Variants in PTPA observed in about 807,000 individuals in gnomAD.
The protein encoded by PTPA is serine/threonine-protein phosphatase 2A activator.
A neutral mutation model predicts 43.6 loss-of-function variants in PTPA; 13 were observed. The ratio of observed to expected loss-of-function variants is 0.30; its 90% confidence interval spans 0.19 to 0.47. The LOEUF is 0.47. Ranked by LOEUF, PTPA falls within the 20% of genes least tolerant of loss-of-function variation. The pLI, the probability that PTPA is intolerant of heterozygous loss-of-function variation, is 0.99. For synonymous variants in PTPA, 172 were observed against 158.2 expected (o/e 1.09, Z -0.66); for missense variants, 329 against 411.9 (o/e 0.80, Z 1.74).
At chr9:129,142,167 GGT>G in intron 8 of PTPA, 1 of 356,128 alleles carries the variant, frequency 2.8e-6, no homozygotes, top group East Asian at 4.3e-5. Flanking sequence ...GAGAAAGAGG[GGT>G]GACTGCGGGT....
chr9:129,112,892 G>A (rs771075703), intron 1 of PTPA, among the ~76,000 whole-genome samples: 4 of 151,788 alleles, frequency 2.6e-5, no homozygotes, highest in Non-Finnish European at 5.9e-5. Context: ...GGTGAGCTGA[G>A]ATCGCGGCAT....
At chr9:129,134,408 G>T (rs141493498) in intron 5 of PTPA, among the ~76,000 whole-genome samples, 3 of 144,840 alleles carry the variant, frequency 2.1e-5, no homozygotes, top group Non-Finnish European at 4.5e-5. Context: ...GGGCTCAGGA[G>T]ATCCTCCATC....
intron 4 of PTPA, among the ~76,000 whole-genome samples, chr9:129,130,352 AG>A (rs946423994): frequency 6.6e-6 from 1 of 151,786 alleles, no homozygotes; most frequent in African/African-American, 2.4e-5. Flanking sequence ...GACCCAGTGA[AG>A]TGCTGTTCCC....
intron 5 of PTPA, 48 bp downstream of exon 5, chr9:129,131,687 C>G: frequency 6.4e-7 from 1 of 1,566,804 alleles, no homozygotes; most frequent in South Asian, 1.1e-5. Flanking sequence ...TCACTGCTTT[C>G]TGTTTTGGGC....
chr9:129,123,805 T>G (rs565828223), intron 3 of PTPA, among the ~76,000 whole-genome samples: 11 of 152,180 alleles, frequency 7.2e-5, no homozygotes, highest in African/African-American at 2.4e-4. Flanking sequence ...TGCCTCAGCC[T>G]CCTGAGTAGC....
chr9:129,145,035 AG>A (rs1325607210), intron 9 of PTPA, among the ~76,000 whole-genome samples: 1 of 151,658 alleles, frequency 6.6e-6, no homozygotes, highest in Non-Finnish European at 1.5e-5. Flanking sequence ...TCCGTCTCAA[AG>A]AAAAAAATCA....
intron 4 of PTPA, among the ~76,000 whole-genome samples, chr9:129,129,601 C>CT (rs1484779010): frequency 6.6e-6 from 1 of 151,980 alleles, no homozygotes; most frequent in East Asian, 1.9e-4. Context: ...TTCCGAGTAG[C>CT]TGGGACTACA....
In PTPA at chr9:129,147,811, A is replaced by C; in HGVS notation, c.*347A>C. On this transcript the variant is annotated 3_prime_UTR_variant, in exon 10 of 10. Transcript: ENST00000393370. ...TTGAGAGCAGGGGCTGTTCTGCAGC[A>C]CCGCAGGGAAGGGAGGAGAGATACC... 1 of 303,320 alleles carries C rather than the reference A, an allele frequency of 3.3e-6. No homozygotes were observed. The highest frequency in any genetic ancestry group is 6.4e-6 in the Non-Finnish European group (1 of 157,466). 18.8% of individuals were successfully genotyped at this position (303,320 alleles called of 1,614,324 possible). A position where few individuals can be genotyped will look rare whatever the true frequency, so the allele number is the denominator to read the frequency against.
intron 9 of PTPA, chr9:129,142,807 G>A (rs1850982979): frequency 6.5e-7 from 1 of 1,535,334 alleles, no homozygotes; most frequent in African/African-American, 1.4e-5. Flanking sequence ...TGGAGGCTGA[G>A]GCAAGGACCT....
chr9:129,139,539 G>A (rs1265740973), intron 8 of PTPA: 1 of 152,198 alleles, frequency 6.6e-6, no homozygotes, highest in African/African-American at 2.4e-5. Flanking sequence ...CTGCAGCAAG[G>A]GCCCATCTTG....
chr9:129,134,721 G>T, intron 5 of PTPA, 74 bp from the exon 6 acceptor site: 1 of 1,238,788 alleles, frequency 8.1e-7, no homozygotes, highest in South Asian at 1.3e-5. Flanking sequence ...TCAATGATTC[G>T]GATTCTGGGA....
intron 9 of PTPA, among the ~76,000 whole-genome samples, chr9:129,146,213 C>T (rs1409378315): frequency 6.6e-6 from 1 of 152,152 alleles, no homozygotes; most frequent in Non-Finnish European, 1.5e-5. Context: ...GCCCAGGGAC[C>T]ACCTCCCGCT....
chr9:129,145,521 C>T (rs184623012), intron 9 of PTPA, among the ~76,000 whole-genome samples: 1 of 152,190 alleles, frequency 6.6e-6, no homozygotes, highest in Non-Finnish European at 1.5e-5. Context: ...CAAGGCCTGC[C>T]AGTCTTGCAG....
intron 1 of PTPA, among the ~76,000 whole-genome samples, chr9:129,114,461 C>T (rs1329306747): frequency 6.6e-6 from 1 of 152,114 alleles, no homozygotes; most frequent in Non-Finnish European, 1.5e-5. Flanking sequence ...GAGAAAAAGC[C>T]TCAGTTATTT....
At chr9:129,143,702 T>A (rs1452886341) in intron 9 of PTPA, 3 of 426,574 alleles carry the variant, frequency 7.0e-6, no homozygotes, top group Non-Finnish European at 1.3e-5. Flanking sequence ...ATCCTGTGTT[T>A]AGGTTCCAGC....
chr9:129,113,728 C>T (rs1449691625), intron 1 of PTPA, among the ~76,000 whole-genome samples: 2 of 152,020 alleles, frequency 1.3e-5, no homozygotes, highest in Non-Finnish European at 2.9e-5. Context: ...CGAGATTGCT[C>T]CACTGCACTC....
At chr9:129,116,979 T>A (rs1347793654) in intron 1 of PTPA, among the ~76,000 whole-genome samples, 1 of 151,990 alleles carries the variant, frequency 6.6e-6, no homozygotes, top group Admixed American at 6.5e-5. Context: ...GATTTTCTTC[T>A]TTCTACAAGT....
At chr9:129,122,495 G>T (rs1174551686) in intron 2 of PTPA, among the ~76,000 whole-genome samples, 1 of 152,210 alleles carries the variant, frequency 6.6e-6, no homozygotes, top group Non-Finnish European at 1.5e-5. Context: ...TGTGTGGGGA[G>T]ACCTGTCTGT....
intron 4 of PTPA, among the ~76,000 whole-genome samples, chr9:129,129,878 G>T (rs1195974079): frequency 2.0e-5 from 3 of 152,248 alleles, no homozygotes; most frequent in Non-Finnish European, 4.4e-5. Context: ...TTGTGAGTAG[G>T]TTGGGCAACA....
Sources: gnomAD v4.1 joint callset for allele counts (sites outside exome capture counted in the v4.1 genomes callset) on GRCh38, gnomAD v4.1.1 for gene constraint, MANE v1.5 for transcripts, NCBI Gene and HGNC (gene_info 2026-07-23, HGNC 2026-07-21) for gene names.